SMARCD2: variants seen among roughly 807,000 people sequenced by gnomAD.
SMARCD2 encodes the protein SWI/SNF related BAF chromatin remodeling complex subunit D2, also known as SWI/SNF-related matrix-associated actin-dependent regulator of chromatin subfamily D member 2.
Under a neutral mutation model 70.4 loss-of-function variants are expected in SMARCD2, and 39 were observed. The ratio of observed to expected loss-of-function variants is 0.55; its 90% confidence interval spans 0.43 to 0.72. The LOEUF is 0.72. Ranked by LOEUF, SMARCD2 falls within the 30% of genes least tolerant of loss-of-function variation. SMARCD2 has a pLI of 0.00. For missense variants in SMARCD2, 540 were observed against 713.4 expected (o/e 0.76, Z 2.77); for synonymous variants, 249 against 279.4 (o/e 0.89, Z 1.08).
Position 63,835,584 on chromosome 17 carries a change from A to C in SMARCD2, c.568-17T>G. The stretch of plus-strand genomic sequence containing the variant: ...TCGCTTTTGCTAAAGAGAGAAAGGC[A>C]ATCACAACTGGAGGTGGACCAAGAT... On this transcript the variant is annotated splice_polypyrimidine_tract_variant and intron_variant, in intron 4 of 12. Transcript: ENST00000448276. 6.2e-7 allele frequency: 1 copy of C among 1,612,940 alleles called. No homozygotes were observed. Among genetic ancestry groups the C allele is most frequent in the South Asian group, 1.1e-5 (1 of 90,996 alleles).
rs182816174 is a variant in SMARCD2 at position 63,833,686 on chromosome 17, G to T, written c.1218C>A (p.Tyr406Ter). The T allele has an allele frequency of 1.2e-6, 2 of 1,613,894 alleles. No individual in the cohort carries two copies. Among genetic ancestry groups the T allele is most frequent in the Non-Finnish European group, 1.7e-6 (2 of 1,179,854 alleles). Residue 406 changes from tyrosine to a stop codon, truncating the protein, a stop_gained, in exon 10 of 13, where the codon TAC (tyrosine) becomes TAA (stop). Coordinates refer to ENST00000448276, the MANE Select transcript of SMARCD2 (RefSeq NM_001098426.2). LOFTEE classifies it high-confidence loss of function. The surrounding 1 kb of genome is among the most constrained non-coding windows in gnomAD (Gnocchi z 4.3). ...GGTCGTCCACCTCCACATCGATGTC[G>T]TAACAGGCTGTCTTCTTCTGGTCGT... is the stretch of plus-strand genomic sequence containing the variant. ...DPNDQKKTACYDIDVEVDDPL... is the reference protein window; with the variant it reads ...DPNDQKKTAC
At position 63,832,137 on chromosome 17, in the gene SMARCD2, C is replaced by T; in HGVS notation, c.*801G>A. The T allele has an allele frequency of 1.4e-6, 1 of 710,294 alleles. No individual in the cohort carries two copies. Among genetic ancestry groups the T allele is most frequent in the South Asian group, 1.8e-5 (1 of 56,110 alleles). 44.0% of individuals were successfully genotyped at this position (710,294 alleles called of 1,614,324 possible). ...CAAACCTGCCAGATGTGGCACTCGCCAAGCCCTAGGCCCACCCTCCTCACC... is the reference window on the plus strand; with the variant it reads ...CAAACCTGCCAGATGTGGCACTCGCTAAGCCCTAGGCCCACCCTCCTCACC... On this transcript the variant is annotated 3_prime_UTR_variant, in exon 13 of 13. Coordinates refer to ENST00000448276, the MANE Select transcript of SMARCD2 (RefSeq NM_001098426.2).
rs2040222140 is a variant in SMARCD2, at chr17:63,833,515, T to C, written c.1317+72A>G. 1 of 1,610,708 alleles carries C rather than the reference T, an allele frequency of 6.2e-7. No homozygotes were observed. Among genetic ancestry groups the C allele is most frequent in the Admixed American group, 1.7e-5 (1 of 59,890 alleles). On this transcript the variant is annotated intron_variant, in intron 10 of 12. Transcript: ENST00000448276. This position sits in a 1 kb window ranked among gnomAD's most constrained non-coding sequence, Gnocchi z 4.3. ...TCCCGTCCTCCAGGTGCTACATGTA[T>C]GGAAATGCTGGACAGAGCCAGCCCA...
chr17:63,840,144 T>C (rs1904400707), intron 1 of SMARCD2, among the ~76,000 whole-genome samples: 5 of 151,522 alleles, frequency 3.3e-5, no homozygotes, highest in Admixed American at 3.3e-4. Context: ...AAAAAAAATT[T>C]TTTTTTTGAA....
In SMARCD2 at chr17:63,833,012, G is replaced by C; in HGVS notation, c.1543-21C>G. ...TGCACCTGGAGAAGGGAGAAACCAA[G>C]TGGCTCAGGCCTTTGCTACTCACGG... On this transcript the variant is annotated intron_variant, in intron 12 of 12. Coordinates refer to ENST00000448276, the MANE Select transcript of SMARCD2 (RefSeq NM_001098426.2). The surrounding 1 kb of genome is among the most constrained non-coding windows in gnomAD (Gnocchi z 4.3). The C allele has an allele frequency of 1.9e-6, 3 of 1,587,340 alleles. No homozygotes were observed. Among genetic ancestry groups the C allele is most frequent in the Non-Finnish European group, 8.6e-7 (1 of 1,168,016 alleles).
chr17:63,835,152 C>G (rs2040249396), intron 5 of SMARCD2: 3 of 539,242 alleles, frequency 5.6e-6, no homozygotes, highest in Non-Finnish European at 9.8e-6. Flanking sequence ...GAGACACAAT[C>G]TCACTCTGTC....
rs766654246 is a variant in SMARCD2 at position 63,833,180 on chromosome 17, G to A, written c.1441-10C>T. 10 of 1,608,250 alleles carry A rather than the reference G, an allele frequency of 6.2e-6. No homozygotes were observed. The highest frequency in any genetic ancestry group is 8.5e-6 in the Non-Finnish European group (10 of 1,176,940). On this transcript the variant is annotated splice_polypyrimidine_tract_variant and intron_variant, in intron 11 of 12. Coordinates refer to ENST00000448276, the MANE Select transcript of SMARCD2 (RefSeq NM_001098426.2). The surrounding 1 kb of genome is among the most constrained non-coding windows in gnomAD (Gnocchi z 4.3). ...TCACATCAGTGATGATCTGCAAAGA[G>A]CCAGGAGGAAAGCCATAGCATAATC...
intron 1 of SMARCD2, chr17:63,839,317 C>T (rs537018323): frequency 3.6e-6 from 3 of 822,186 alleles, no homozygotes; most frequent in South Asian, 1.1e-4. Flanking sequence ...AAGCTCCCTG[C>T]TGCAGTGTTC....
At chr17:63,841,471 A>G (rs1466685960) in intron 1 of SMARCD2, among the ~76,000 whole-genome samples, 1 of 152,192 alleles carries the variant, frequency 6.6e-6, no homozygotes, top group East Asian at 1.9e-4. Flanking sequence ...TGGAGTTAGA[A>G]CCTGAAGGCC....
Position 63,838,497 on chromosome 17 carries a change from T to C in SMARCD2, c.217-872A>G, listed in dbSNP as rs566204696. On this transcript the variant is annotated intron_variant, in intron 1 of 12. Coordinates refer to ENST00000448276, the MANE Select transcript of SMARCD2 (RefSeq NM_001098426.2). ...CCGTGTAGCCCTGGCAATCCCAAGC[T>C]GGAGAAGGGGGCTAAGATTATCCTG... The C allele has an allele frequency of 2.8e-5, 28 of 1,002,252 alleles. No homozygotes were observed. The East Asian group carries it at 8.7e-4, about 31-fold the overall frequency. The allele number at this position is 1,002,252 out of a possible 1,614,324, so 62.1% of individuals were successfully genotyped here.
rs1491249155 is a variant in SMARCD2, at chr17:63,839,592, AAC to A, written c.217-1969_217-1968del. ...TCAAAAAACAAAACAAAACAAAACA[AAC>A]AAAAAAAAACAACTCAGGAGTTAAA... On this transcript the variant is annotated intron_variant, in intron 1 of 12. Transcript: ENST00000448276. 6.8e-4 allele frequency among the ~76,000 whole-genome samples: 62 copies of A among 91,560 alleles called. 1 individual carries two copies. Among genetic ancestry groups the A allele is most frequent in the African/African-American group, 1.7e-3 (25 of 14,620 alleles). The allele number at this position is 91,560 out of a possible 152,430, so 60.1% of individuals were successfully genotyped here.
Position 63,832,945 on chromosome 17 carries a change from A to G in SMARCD2, c.1589T>C (p.Leu530Pro). 6.4e-7 allele frequency: 1 copy of G among 1,567,460 alleles called. No individual in the cohort carries two copies. The highest frequency in any genetic ancestry group is 8.6e-7 in the Non-Finnish European group (1 of 1,157,582). The change falls in exon 13 of 13, where the codon CTG becomes CCG. Residue 530 changes from leucine (L) to proline (P), a missense_variant. Transcript: ENST00000448276. The stretch of plus-strand genomic sequence containing the variant: ...AGAAAGATCCCTGAGCAGTTAGGTC[A>G]GGCGAATTCCCAGCACCTGTTCCAG... ...QELEQVLGIR[L>P]T
chr17:63,836,498 CA>C lies in SMARCD2; in HGVS notation c.567+423del, dbSNP rs1443154853. 1.5e-3 allele frequency among the ~76,000 whole-genome samples: 146 copies of C among 98,246 alleles called. 1 individual carries two copies. The highest frequency in any genetic ancestry group is 4.6e-3 in the Admixed American group (35 of 7,682). The allele number at this position is 98,246 out of a possible 152,430, so 64.5% of individuals were successfully genotyped here. ...TAGGTGAAAGAGCGAGACTCCATCT[CA>C]GAAAAAAAAAAAAAAAAAAAAAAGA... On this transcript the variant is annotated intron_variant, in intron 4 of 12. Transcript: ENST00000448276.
chr17:63,835,521 C>T lies in SMARCD2; in HGVS notation c.614G>A (p.Ser205Asn). Residue 205 changes from serine (S) to asparagine (N), a missense_variant, in exon 5 of 13, where the codon AGC (serine) becomes AAC (asparagine). Transcript: ENST00000448276. ...RIYISNTFSP[S>N]KAEGDSAGTA... Reference sequence around the variant, plus strand: ...TCCTGCACTATCGCCTTCCGCCTTGCTGGGACTGAACGTATTGGAAATGTA... The same window carrying T: ...TCCTGCACTATCGCCTTCCGCCTTGTTGGGACTGAACGTATTGGAAATGTA... 1 of 1,614,052 alleles carries T rather than the reference C, an allele frequency of 6.2e-7. No individual in the cohort carries two copies. Among genetic ancestry groups the T allele is most frequent in the Non-Finnish European group, 8.5e-7 (1 of 1,179,886 alleles).
chr17:63,840,399 C>A (rs2144639824), intron 1 of SMARCD2, among the ~76,000 whole-genome samples: 1 of 151,630 alleles, frequency 6.6e-6, no homozygotes, highest in East Asian at 1.9e-4. Flanking sequence ...GTCTTGAACT[C>A]CTGGTCTCAA....
chr17:63,833,805 A>G lies in SMARCD2; in HGVS notation c.1182-83T>C, dbSNP rs2040227543. 2.5e-6 allele frequency: 4 copies of G among 1,587,108 alleles called. No homozygotes were observed. The African/African-American group carries it at 4.0e-5, about 16-fold the overall frequency. On this transcript the variant is annotated intron_variant, in intron 9 of 12. Transcript: ENST00000448276. This position sits in a 1 kb window ranked among gnomAD's most constrained non-coding sequence, Gnocchi z 4.3. The stretch of plus-strand genomic sequence containing the variant: ...GCCAAATCTGGGGCCCATTCTCTGC[A>G]CACACTCAGGGAAAAAGAAACCTGA...
chr17:63,839,521 T>C (rs1904357299), intron 1 of SMARCD2, among the ~76,000 whole-genome samples: 1 of 151,492 alleles, frequency 6.6e-6, no homozygotes, highest in Admixed American at 6.6e-5. Context: ...CAGCTGAGCC[T>C]TGCCAAGCTC....
At chr17:63,841,909 C>A (rs1338824918) in intron 1 of SMARCD2, among the ~76,000 whole-genome samples, 2 of 152,194 alleles carry the variant, frequency 1.3e-5, no homozygotes, top group African/African-American at 2.4e-5. Flanking sequence ...AAAGTCCGCC[C>A]GTGCACAAGC....
rs755115875 is a variant in SMARCD2 at position 63,833,394 on chromosome 17, G to T, written c.1344C>A (p.Asn448Lys). 3 of 1,613,934 alleles carry T rather than the reference G, an allele frequency of 1.9e-6. No individual in the cohort carries two copies. Among genetic ancestry groups the T allele is most frequent in the Non-Finnish European group, 2.5e-6 (3 of 1,179,938 alleles). Residue 448 changes from asparagine (N) to lysine (K), a missense_variant, in exon 11 of 13, where the codon AAC (asparagine) becomes AAA (lysine). Coordinates refer to ENST00000448276, the MANE Select transcript of SMARCD2 (RefSeq NM_001098426.2). The surrounding 1 kb of genome is among the most constrained non-coding windows in gnomAD (Gnocchi z 4.3). ...VKIHETIESI[N>K]QLKTQRDFML... ...TGAAATCTCTCTGGGTCTTCAGCTG[G>T]TTGATGGACTCAATGGTCTCATGGA...
Sources: allele counts gnomAD v4.1 joint callset (sites outside exome capture counted in the v4.1 genomes callset), GRCh38; gene constraint gnomAD v4.1.1; non-coding constraint Gnocchi (gnomAD v3.1); transcripts MANE v1.5; gene names NCBI Gene and HGNC (gene_info 2026-07-23, HGNC 2026-07-21).